Variants in MAN1A1 observed in about 807,000 individuals in gnomAD.
The protein encoded by MAN1A1 is mannosidase alpha class 1A member 1.
MAN1A1 carries 29 observed loss-of-function variants against 70.8 expected under a neutral mutation model. The observed-to-expected ratio is 0.41, with a 90% CI of 0.31 to 0.56. The LOEUF is 0.56. Among genes scored for constraint, MAN1A1 ranks in the 20% least tolerant of loss-of-function variants. The pLI is 0.29. For synonymous variants in MAN1A1, 349 were observed against 330.1 expected, an observed-to-expected ratio of 1.06 and a Z score of -0.62; for missense variants, 747 against 841.3, an observed-to-expected ratio of 0.89 and a Z score of 1.39.
chr6:119,316,302 T>C (rs545876401), intron 2 of MAN1A1, among the ~76,000 whole-genome samples: 1 of 151,246 alleles, frequency 6.6e-6, no homozygotes, highest in East Asian at 2.0e-4. Context: ...CTCAGCCTCC[T>C]GAGCAGCTGG....
chr6:119,292,149 C>T (rs779068205), intron 4 of MAN1A1, among the ~76,000 whole-genome samples: 2 of 151,962 alleles, frequency 1.3e-5, no homozygotes, highest in South Asian at 2.1e-4. Context: ...GTAATTACTG[C>T]TAATATTTTA....
At chr6:119,195,597 A>C (rs1773547044) in intron 8 of MAN1A1, among the ~76,000 whole-genome samples, 1 of 152,154 alleles carries the variant, frequency 6.6e-6, no homozygotes, top group African/African-American at 2.4e-5. Flanking sequence ...TCTCCTCCAC[A>C]AGATTATGAA....
At chr6:119,315,278 G>A (rs1348501343) in intron 2 of MAN1A1, among the ~76,000 whole-genome samples, 1 of 152,238 alleles carries the variant, frequency 6.6e-6, no homozygotes, top group Non-Finnish European at 1.5e-5. Flanking sequence ...GCTATTGCAT[G>A]AATTCTAATG....
intron 6 of MAN1A1, among the ~76,000 whole-genome samples, chr6:119,211,348 G>T (rs369044961): frequency 6.6e-6 from 1 of 152,194 alleles, no homozygotes. Flanking sequence ...ACTGTAGCCA[G>T]TGTGGCCAGT....
At chr6:119,304,062 G>A (rs904923492) in intron 3 of MAN1A1, among the ~76,000 whole-genome samples, 12 of 150,150 alleles carry the variant, frequency 8.0e-5, no homozygotes, top group South Asian at 2.1e-4. Flanking sequence ...CACTCTGGAC[G>A]ATCCAAGACC....
At chr6:119,301,811 C>T (rs1260578952) in intron 4 of MAN1A1, among the ~76,000 whole-genome samples, 177 bp downstream of exon 4, 1 of 152,120 alleles carries the variant, frequency 6.6e-6, no homozygotes, top group Admixed American at 6.5e-5. Flanking sequence ...AACAAAGACA[C>T]ACATTTGTGT....
Position 119,349,583 on chromosome 6 carries a change from A to C in MAN1A1, c.-264T>G. 2 of 985,930 alleles carry C rather than the reference A, an allele frequency of 2.0e-6. No individual in the cohort carries two copies. The highest frequency in any genetic ancestry group is 2.4e-6 in the Non-Finnish European group (2 of 830,070). 61.1% of individuals were successfully genotyped at this position (985,930 alleles called of 1,614,324 possible). ...CGCAGCGTGGGCGGGAGACTCGTCAACTTCGCCCGCTCCCCATCTCCGCGC... is the reference window on the plus strand; with the variant it reads ...CGCAGCGTGGGCGGGAGACTCGTCACCTTCGCCCGCTCCCCATCTCCGCGC... On this transcript the variant is annotated 5_prime_UTR_variant, in exon 1 of 13. Transcript: ENST00000368468.
chr6:119,206,345 C>A (rs1434934406), intron 6 of MAN1A1, among the ~76,000 whole-genome samples: 1 of 152,180 alleles, frequency 6.6e-6, no homozygotes, highest in African/African-American at 2.4e-5. Context: ...GTATCAGTCA[C>A]AGCTCTGGGT....
chr6:119,299,011 T>C (rs932302433), intron 4 of MAN1A1, among the ~76,000 whole-genome samples: 3 of 152,016 alleles, frequency 2.0e-5, no homozygotes, highest in African/African-American at 7.3e-5. Context: ...TGTTATTTAG[T>C]ATAATTTTTC....
At chr6:119,251,245 G>A (rs938340725) in intron 5 of MAN1A1, among the ~76,000 whole-genome samples, 2 of 152,130 alleles carry the variant, frequency 1.3e-5, no homozygotes, top group African/African-American at 4.8e-5. Context: ...TTCAAGAAAT[G>A]ATAATGACTT....
intron 2 of MAN1A1, among the ~76,000 whole-genome samples, chr6:119,340,521 A>T (rs1204937483): frequency 6.6e-6 from 1 of 152,186 alleles, no homozygotes; most frequent in Non-Finnish European, 1.5e-5. Flanking sequence ...TAGTCTATGG[A>T]TGGCTTGAGT....
At chr6:119,348,019 G>T (rs1351386730) in intron 2 of MAN1A1, among the ~76,000 whole-genome samples, 2 of 152,188 alleles carry the variant, frequency 1.3e-5, no homozygotes, top group Non-Finnish European at 1.5e-5. Context: ...GGCAGACAAG[G>T]GCCACACAGC....
intron 6 of MAN1A1, among the ~76,000 whole-genome samples, chr6:119,229,328 A>G (rs1400632608): frequency 1.3e-5 from 2 of 152,192 alleles, no homozygotes; most frequent in Non-Finnish European, 2.9e-5. Context: ...GCTCCATCCC[A>G]GAGATGAGCA....
chr6:119,288,646 C>T (rs1246030424), intron 5 of MAN1A1, among the ~76,000 whole-genome samples: 2 of 151,920 alleles, frequency 1.3e-5, no homozygotes, highest in Non-Finnish European at 1.5e-5. Context: ...CAGTATTAAT[C>T]ACTTCTCACT....
intron 2 of MAN1A1, among the ~76,000 whole-genome samples, chr6:119,313,534 T>G (rs1204869388): frequency 6.6e-6 from 1 of 152,142 alleles, no homozygotes; most frequent in Non-Finnish European, 1.5e-5. Context: ...TCAAGATTCT[T>G]TACCCCAATG....
intron 5 of MAN1A1, among the ~76,000 whole-genome samples, chr6:119,256,416 T>TA (rs1554209073): frequency 4.5e-4 from 68 of 150,156 alleles, no homozygotes; most frequent in African/African-American, 1.2e-3. Context: ...ATCTCATTAT[T>TA]TTTTTTTTTT....
At chr6:119,288,918 CTGAA>C (rs1370487864) in intron 5 of MAN1A1, among the ~76,000 whole-genome samples, 1 of 151,610 alleles carries the variant, frequency 6.6e-6, no homozygotes, top group African/African-American at 2.4e-5. Flanking sequence ...GCAAAACAGA[CTGAA>C]AGAATAGTTA....
intron 3 of MAN1A1, among the ~76,000 whole-genome samples, chr6:119,303,741 C>T (rs1035134575): frequency 2.6e-5 from 4 of 152,090 alleles, no homozygotes; most frequent in African/African-American, 4.8e-5. Flanking sequence ...ATATGTCAGC[C>T]GCACTCCAGG....
chr6:119,322,643 A>G (rs1026354137), intron 2 of MAN1A1, among the ~76,000 whole-genome samples: 1 of 152,176 alleles, frequency 6.6e-6, no homozygotes, highest in Non-Finnish European at 1.5e-5. Flanking sequence ...CTGATTCACT[A>G]TAATCCAAGT....
Sources: gnomAD v4.1 joint callset for allele counts (sites outside exome capture counted in the v4.1 genomes callset) on GRCh38, gnomAD v4.1.1 for gene constraint, MANE v1.5 for transcripts, NCBI Gene and HGNC (gene_info 2026-07-23, HGNC 2026-07-21) for gene names.